The following ALOX15B variants were observed in gnomAD, a reference collection of about 807,000 sequenced individuals.
ALOX15B encodes the protein polyunsaturated fatty acid lipoxygenase ALOX15B.
Under a neutral mutation model 73.8 loss-of-function variants are expected in ALOX15B, and 74 were observed. The ratio of observed to expected loss-of-function variants is 1.00; its 90% CI spans 0.83 to 1.22. The LOEUF (loss-of-function observed/expected upper bound fraction) is 1.22, where lower values mean the gene tolerates loss of function less well. Ranked by LOEUF, ALOX15B falls within the 50% of genes most tolerant of loss-of-function variation. ALOX15B has a pLI of 0.00. For missense variants in ALOX15B, 896 were observed against 859.9 expected (o/e 1.04, Z -0.52); for synonymous variants, 353 against 357.2 (o/e 0.99, Z 0.13).
chr17:8,048,775 C>A lies in ALOX15B; in HGVS notation c.*210C>A. 1.8e-6 allele frequency: 1 copy of A among 554,190 alleles called. No homozygotes were observed. The highest frequency in any genetic ancestry group is 3.1e-6 in the Non-Finnish European group (1 of 326,464). 34.3% of individuals were successfully genotyped at this position (554,190 alleles called of 1,614,324 possible). A position where few individuals can be genotyped will look rare whatever the true frequency, so the allele number is the denominator to read the frequency against. On this transcript the variant is annotated 3_prime_UTR_variant, in exon 14 of 14. Transcript: ENST00000380183. ...GAGAAAGCAGAAAATCTACCAAGAA[C>A]AGAGTCTCAGGACAGAACCACTGAG...
At position 8,047,741 on chromosome 17, in the gene ALOX15B, T is replaced by C; in HGVS notation, c.1681-4T>C. 6.2e-7 allele frequency: 1 copy of C among 1,614,088 alleles called. No individual in the cohort carries two copies. The highest frequency in any genetic ancestry group is 8.5e-7 in the Non-Finnish European group (1 of 1,180,004). Reference sequence around the variant, plus strand: ...CAGCCTCATTCTGCCCTCTCGGCCTTCAGTTTGACTCCTGTGCTTGGATGC... The same window carrying C: ...CAGCCTCATTCTGCCCTCTCGGCCTCCAGTTTGACTCCTGTGCTTGGATGC... On this transcript the variant is annotated splice_polypyrimidine_tract_variant and splice_region_variant and intron_variant, in intron 12 of 13. Transcript: ENST00000380183.
rs139363547 is a variant in ALOX15B, at chr17:8,042,492, G to T, written c.572+1G>T. ...ACTTTTATCTACAGGCTGGCTCTGC[G>T]TGAGGATGCCCACCCTTCCCTGCCC... is the stretch of plus-strand genomic sequence containing the variant. On this transcript the variant is annotated splice_donor_variant, in intron 4 of 13. Transcript: ENST00000380183. LOFTEE classifies it high-confidence loss of function. The T allele has an allele frequency of 6.2e-6, 10 of 1,612,984 alleles. No homozygotes were observed. The highest frequency in any genetic ancestry group is 4.5e-5 in the East Asian group (2 of 44,880).
At position 8,039,612 on chromosome 17, in the gene ALOX15B, G is replaced by T. The variant is rs1291909757; in HGVS notation, c.367+7G>T. 8 of 1,307,604 alleles carry T rather than the reference G, an allele frequency of 6.1e-6. No homozygotes were observed. Among genetic ancestry groups the T allele is most frequent in the Non-Finnish European group, 8.5e-6 (8 of 943,378 alleles). The allele number at this position is 1,307,604 out of a possible 1,614,324, so 81.0% of individuals were successfully genotyped here. A position where few individuals can be genotyped will look rare whatever the true frequency, so the allele number is the denominator to read the frequency against. On this transcript the variant is annotated splice_region_variant and intron_variant, in intron 2 of 13. Coordinates refer to ENST00000380183, the MANE Select transcript of ALOX15B (RefSeq NM_001141.3). ...GTGCTGCAGGAGGGTACAGGTGAGG[G>T]GCGGGCCGGGCTGGGGCTGCAGGGG...
At position 8,048,469 on chromosome 17, in the gene ALOX15B, C is replaced by T. The variant is rs1218885111; in HGVS notation, c.1935C>T (p.Ala645=). Reference sequence around the variant, plus strand: ...TCGCCACCTTCCAGAGCCGCCTGGCCCAGATCTCGAGGGGCATCCAGGAGC... The same window carrying T: ...TCGCCACCTTCCAGAGCCGCCTGGCTCAGATCTCGAGGGGCATCCAGGAGC... ...RSIATFQSRL[A]QISRGIQERN... Residue 645 remains alanine, a synonymous_variant, in exon 14 of 14, where the codon GCC becomes GCT. Coordinates refer to ENST00000380183, the MANE Select transcript of ALOX15B (RefSeq NM_001141.3). 4 of 1,614,112 alleles carry T rather than the reference C, an allele frequency of 2.5e-6. No homozygotes were observed. The East Asian group carries it at 6.7e-5, about 27-fold the overall frequency.
rs1976655660 is a variant in ALOX15B, at chr17:8,047,838, G to A, written c.1774G>A (p.Ala592Thr). 1 of 1,614,026 alleles carries A rather than the reference G, an allele frequency of 6.2e-7. No homozygotes were observed. Among genetic ancestry groups the A allele is most frequent in the Non-Finnish European group, 8.5e-7 (1 of 1,180,030 alleles). The part of the protein sequence containing the change: ...KGLATCEGFI[A>T]TLPPVNATCD... Reference sequence around the variant, plus strand: ...CCTGGCAACATGCGAGGGCTTCATAGCCACCCTCCCACCTGTCAATGCCAC... The same window carrying A: ...CCTGGCAACATGCGAGGGCTTCATAACCACCCTCCCACCTGTCAATGCCAC... Residue 592 changes from alanine to threonine, a missense_variant, in exon 13 of 14, where the codon GCC becomes ACC. Coordinates refer to ENST00000380183, the MANE Select transcript of ALOX15B (RefSeq NM_001141.3).
At chr17:8,040,413 C>T (rs1197125767) in intron 3 of ALOX15B, among the ~76,000 whole-genome samples, 5 of 151,570 alleles carry the variant, frequency 3.3e-5, no homozygotes, top group Non-Finnish European at 7.4e-5. Flanking sequence ...GGTAGGGTGG[C>T]GGGCACCTGT....
chr17:8,039,953 A>G lies in ALOX15B; in HGVS notation c.419A>G (p.Glu140Gly), dbSNP rs2151811085. The G allele has an allele frequency of 6.2e-7, 1 of 1,613,158 alleles. No individual in the cohort carries two copies. The change falls in exon 3 of 14, where the codon GAG becomes GGG. Residue 140 changes from glutamate to glycine, a missense_variant. Coordinates refer to ENST00000380183, the MANE Select transcript of ALOX15B (RefSeq NM_001141.3). ...CCTGTGCTCCAGCAACAGCGCCAGGAGGAGCTTCAGGCCCGGCAGGAGATG... is the reference window on the plus strand; with the variant it reads ...CCTGTGCTCCAGCAACAGCGCCAGGGGGAGCTTCAGGCCCGGCAGGAGATG... Reference protein sequence around the residue: ...HHPVLQQQRQEELQARQEMYQ... With the variant: ...HHPVLQQQRQGELQARQEMYQ...
At chr17:8,048,009 G>GT in intron 13 of ALOX15B, 94 bp downstream of exon 13, 1 of 1,427,890 alleles carries the variant, frequency 7.0e-7, no homozygotes, top group Non-Finnish European at 9.4e-7. Context: ...CTGCCATCAG[G>GT]TAGCGGGTCC....
chr17:8,045,222 C>G lies in ALOX15B; in HGVS notation c.850-16C>G, dbSNP rs1976572423. The G allele has an allele frequency of 6.2e-7, 1 of 1,613,886 alleles. No individual in the cohort carries two copies. The highest frequency in any genetic ancestry group is 1.7e-5 in the Admixed American group (1 of 59,998). ...AGAAAACCAGGTGGCAGCCCCAGAT[C>G]TCCTTTCTTCTGCAGAAGGGCTCCC... is the stretch of plus-strand genomic sequence containing the variant. On this transcript the variant is annotated splice_polypyrimidine_tract_variant and intron_variant, in intron 6 of 13. Transcript: ENST00000380183.
intron 11 of ALOX15B, 47 bp from the exon 12 acceptor site, chr17:8,047,517 G>T: frequency 2.5e-6 from 4 of 1,572,206 alleles, no homozygotes; most frequent in South Asian, 1.1e-5. Flanking sequence ...CCGCAGCAGG[G>T]TCCTCAGGTC....
At position 8,039,530 on chromosome 17, in the gene ALOX15B, CG is replaced by C. The variant is rs1976373084; in HGVS notation, c.296del (p.Gly99AlafsTer97). 7.4e-7 allele frequency: 1 copy of C among 1,348,230 alleles called. No homozygotes were observed. The highest frequency in any genetic ancestry group is 9.8e-7 in the Non-Finnish European group (1 of 1,024,306). 83.5% of individuals were successfully genotyped at this position (1,348,230 alleles called of 1,614,324 possible). ...CCGCTGGTTCCAGCTGACACCGCCGCGGGGCGGCCACCTCCTCTTCCCCTGC... is the reference window on the plus strand; with the variant it reads ...CCGCTGGTTCCAGCTGACACCGCCGCGGGCGGCCACCTCCTCTTCCCCTGC... ...FCRWFQLTPPRGGHLLFPCYQ... is the reference protein window; with the variant it reads ...FCRWFQLTPPXGGHLLFPCYQ... On this transcript the variant is annotated frameshift_variant, in exon 2 of 14. Coordinates refer to ENST00000380183, the MANE Select transcript of ALOX15B (RefSeq NM_001141.3). LOFTEE classifies it high-confidence loss of function.
Position 8,039,295 on chromosome 17 carries a change from C to T in ALOX15B, c.140C>T (p.Ala47Val). 1 of 1,585,424 alleles carries T rather than the reference C, an allele frequency of 6.3e-7. No homozygotes were observed. ...PLDNLGKEFT[A>V]GAEEDFQVTL... ...GACAATCTCGGCAAGGAGTTCACTG[C>T]GGGCGCTGTGAGTGCGTGGGAGTGG... The change falls in exon 1 of 14, where the codon GCG becomes GTG. Residue 47 changes from alanine (A) to valine (V), a missense_variant. Physicochemically the swap from Ala to Val is moderately conservative, Grantham distance 64. Coordinates refer to ENST00000380183, the MANE Select transcript of ALOX15B (RefSeq NM_001141.3).
At chr17:8,039,794 A>G in intron 2 of ALOX15B, 108 bp from the exon 3 acceptor site, 1 of 1,273,442 alleles carries the variant, frequency 7.9e-7, no homozygotes, top group South Asian at 1.3e-5. Context: ...AACTGTACTT[A>G]TGGGAGGAGG....
rs140471834 is a variant in ALOX15B, at chr17:8,040,494, G to A, written c.449+511G>A. Among the ~76,000 whole-genome samples, 85 of 148,334 alleles carry A rather than the reference G, an allele frequency of 5.7e-4. 3 individuals carry two copies. The East Asian group carries it at 0.011, about 20-fold the overall frequency. On this transcript the variant is annotated intron_variant, in intron 3 of 13. Coordinates refer to ENST00000380183, the MANE Select transcript of ALOX15B (RefSeq NM_001141.3). Reference sequence around the variant, plus strand: ...CGGGTGGTGGAGGTTGCAGTGAGCCGATCACGCCATTGCACTCCAGCATGG... The same window carrying A: ...CGGGTGGTGGAGGTTGCAGTGAGCCAATCACGCCATTGCACTCCAGCATGG...
In ALOX15B at chr17:8,047,306, C is replaced by G; in HGVS notation, c.1506C>G (p.Val502=). Residue 502 remains valine, a synonymous_variant, in exon 11 of 14, where the codon GTC becomes GTG. Coordinates refer to ENST00000380183, the MANE Select transcript of ALOX15B (RefSeq NM_001141.3). ...IGIYYPSDES[V]QDDRELQAWV... ...TCTACTACCCAAGTGATGAGTCTGT[C>G]CAAGATGACAGAGAGCTCCAGGCCT... is the stretch of plus-strand genomic sequence containing the variant. 6.2e-7 allele frequency: 1 copy of G among 1,614,110 alleles called. No homozygotes were observed. The highest frequency in any genetic ancestry group is 8.5e-7 in the Non-Finnish European group (1 of 1,179,998).
chr17:8,039,466 GC>G lies in ALOX15B; in HGVS notation c.232del (p.Leu78CysfsTer17). The G allele has an allele frequency of 6.2e-7, 1 of 1,602,004 alleles. No homozygotes were observed. Among genetic ancestry groups the G allele is most frequent in the Admixed American group, 1.7e-5 (1 of 59,112 alleles). ...GCGTGCACAAGGCGCCCCCAGTGCT[GC>G]CCCTGCTGGGGCCCCTGGCCCCGGA... The part of the protein sequence containing the change: ...LRVHKAPPVL[P>X]LLGPLAPDAW... On this transcript the variant is annotated frameshift_variant, in exon 2 of 14. Transcript: ENST00000380183. LOFTEE classifies it high-confidence loss of function.
In ALOX15B at chr17:8,047,845, TCCCA is replaced by T. The variant is rs1173056524; in HGVS notation, c.1784_1787del (p.Pro595LeufsTer15). The T allele has an allele frequency of 6.2e-7, 1 of 1,614,100 alleles. No individual in the cohort carries two copies. The highest frequency in any genetic ancestry group is 1.7e-5 in the Admixed American group (1 of 60,002). On this transcript the variant is annotated frameshift_variant, in exon 13 of 14. Transcript: ENST00000380183. LOFTEE classifies it high-confidence loss of function. ...ACATGCGAGGGCTTCATAGCCACCC[TCCCA>T]CCTGTCAATGCCACATGTGATGTCA...
chr17:8,044,696 G>A (rs1414600035), intron 5 of ALOX15B, 133 bp from the exon 6 acceptor site: 1 of 742,380 alleles, frequency 1.3e-6, no homozygotes, highest in Non-Finnish European at 2.2e-6. Context: ...GGCAGGGGAG[G>A]TAACTCTGAG....
chr17:8,045,001 G>C lies in ALOX15B; in HGVS notation c.849G>C (p.Glu283Asp), dbSNP rs1409756255. ...GPGTSLQAEL[E>D]KGSLFLVDHG... ...GGACCAGCTTGCAGGCTGAGCTAGA[G>C]GTGAGGGGTGCAGGGATCTTGGCTC... The change falls in exon 6 of 14, where the codon GAG becomes GAC. Residue 283 changes from glutamate (E) to aspartate (D), a missense_variant and splice_region_variant. By Grantham distance (45) the Glu-to-Asp change is conservative (BLOSUM62 2). Coordinates refer to ENST00000380183, the MANE Select transcript of ALOX15B (RefSeq NM_001141.3). 1 of 1,614,066 alleles carries C rather than the reference G, an allele frequency of 6.2e-7. No individual in the cohort carries two copies. The highest frequency in any genetic ancestry group is 1.7e-5 in the Admixed American group (1 of 60,012).
Sources: allele counts gnomAD v4.1 joint callset (sites outside exome capture counted in the v4.1 genomes callset), GRCh38; gene constraint gnomAD v4.1.1; transcripts MANE v1.5; gene names NCBI Gene and HGNC (gene_info 2026-07-23, HGNC 2026-07-21).